Variants in SLC14A2 observed in about 807,000 individuals in gnomAD.
SLC14A2 encodes the protein solute carrier family 14 member 2.
SLC14A2 carries 91 observed loss-of-function variants against 104.6 expected under a neutral mutation model. The ratio of observed to expected loss-of-function variants is 0.87; its 90% CI spans 0.73 to 1.04. The LOEUF is 1.04. Ranked by LOEUF, SLC14A2 falls within the 50% of genes least tolerant of loss-of-function variation. SLC14A2 has a pLI of 0.00. For missense variants in SLC14A2, 1,189 were observed against 1,156.0 expected, an observed-to-expected ratio of 1.03 and a Z score of -0.41; for synonymous variants, 476 against 466.4, an observed-to-expected ratio of 1.02 and a Z score of -0.27.
chr18:45,328,431 T>G (rs990054251), intron 1 of SLC14A2, among the ~76,000 whole-genome samples: 1 of 152,130 alleles, frequency 6.6e-6, no homozygotes, highest in Non-Finnish European at 1.5e-5. Flanking sequence ...TGTCACAGCA[T>G]TTTCAGGGTT....
intron 1 of SLC14A2, among the ~76,000 whole-genome samples, chr18:45,459,610 T>C (rs2087006522): frequency 6.6e-6 from 1 of 152,192 alleles, no homozygotes; most frequent in African/African-American, 2.4e-5. Flanking sequence ...ACCTGCAGCC[T>C]GCTATTCCCG....
intron 1 of SLC14A2, among the ~76,000 whole-genome samples, chr18:45,355,779 CAG>C (rs1337958259): frequency 6.6e-6 from 1 of 152,054 alleles, no homozygotes; most frequent in Non-Finnish European, 1.5e-5. Context: ...CCACTCATCT[CAG>C]AACACTGGGT....
intron 2 of SLC14A2, among the ~76,000 whole-genome samples, chr18:45,552,781 A>G (rs907710569): frequency 1.6e-4 from 25 of 152,308 alleles, no homozygotes; most frequent in African/African-American, 5.5e-4. Flanking sequence ...TGAGATGGGC[A>G]CTTGCCCAGC....
At chr18:45,231,461 C>T (rs1160265295) in intron 1 of SLC14A2, among the ~76,000 whole-genome samples, 1 of 152,172 alleles carries the variant, frequency 6.6e-6, no homozygotes, top group Non-Finnish European at 1.5e-5. Flanking sequence ...CCTTGGCCTC[C>T]CAAATGGGAA....
At chr18:45,663,501 G>A (rs1217044198) in intron 10 of SLC14A2, among the ~76,000 whole-genome samples, 1 of 152,208 alleles carries the variant, frequency 6.6e-6, no homozygotes, top group African/African-American at 2.4e-5. Context: ...AGCTAAATGG[G>A]TCTTAGAGTG....
intron 1 of SLC14A2, among the ~76,000 whole-genome samples, chr18:45,243,167 C>A (rs2084334595): frequency 6.6e-6 from 1 of 152,264 alleles, no homozygotes; most frequent in African/African-American, 2.4e-5. Context: ...CCTGGCCTAG[C>A]ATAAGGCCAG....
chr18:45,210,410 C>T (rs1599575148), upstream of SLC14A2, among the ~76,000 whole-genome samples: 1 of 152,160 alleles, frequency 6.6e-6, no homozygotes, highest in Non-Finnish European at 1.5e-5. Context: ...TGAGACCCTG[C>T]CTCTATGAAT....
chr18:45,336,100 G>C (rs1411987157), intron 1 of SLC14A2, among the ~76,000 whole-genome samples: 1 of 152,128 alleles, frequency 6.6e-6, no homozygotes, highest in Non-Finnish European at 1.5e-5. Context: ...AGACCCTAAA[G>C]GAGCAAGTGC....
At chr18:45,276,693 G>A (rs1964228507) in intron 1 of SLC14A2, among the ~76,000 whole-genome samples, 1 of 152,172 alleles carries the variant, frequency 6.6e-6, no homozygotes, top group South Asian at 2.1e-4. Flanking sequence ...GTATTCCTAA[G>A]CACAGATTGG....
At chr18:45,423,414 G>A (rs1690166857) in intron 1 of SLC14A2, among the ~76,000 whole-genome samples, 4 of 152,216 alleles carry the variant, frequency 2.6e-5, no homozygotes, top group Admixed American at 2.0e-4. Flanking sequence ...CCCCTGTGTG[G>A]AGGAGCTTCT....
intron 19 of SLC14A2, among the ~76,000 whole-genome samples, chr18:45,680,834 T>C (rs370413024): frequency 7.2e-5 from 11 of 152,304 alleles, no homozygotes; most frequent in African/African-American, 1.2e-4. Context: ...TCCTTTCCAA[T>C]GTAGGACTCC....
At chr18:45,352,462 T>C (rs1038038124) in intron 1 of SLC14A2, among the ~76,000 whole-genome samples, 1 of 152,114 alleles carries the variant, frequency 6.6e-6, no homozygotes, top group Admixed American at 6.5e-5. Flanking sequence ...CTTTATTTAT[T>C]TATTTTCTCT....
At chr18:45,502,116 T>C (rs1189965861) in intron 2 of SLC14A2, among the ~76,000 whole-genome samples, 2 of 152,180 alleles carry the variant, frequency 1.3e-5, no homozygotes, top group East Asian at 3.8e-4. Context: ...ATAGTGACTT[T>C]AGTGTGGGGC....
intron 2 of SLC14A2, among the ~76,000 whole-genome samples, chr18:45,582,563 TAATC>T (rs2044508899): frequency 6.6e-6 from 1 of 152,152 alleles, no homozygotes; most frequent in African/African-American, 2.4e-5. Flanking sequence ...GAATGTAAAA[TAATC>T]AATAAATACA....
At chr18:45,398,164 A>G (rs1468124291) in intron 1 of SLC14A2, among the ~76,000 whole-genome samples, 2 of 152,202 alleles carry the variant, frequency 1.3e-5, no homozygotes, top group Non-Finnish European at 2.9e-5. Flanking sequence ...GGCAAGGCCC[A>G]CACAGCTTAA....
intron 2 of SLC14A2, among the ~76,000 whole-genome samples, chr18:45,609,986 G>A (rs1440391095): frequency 6.6e-6 from 1 of 152,178 alleles, no homozygotes; most frequent in Non-Finnish European, 1.5e-5. Flanking sequence ...AGTTGGTTTT[G>A]CTGTTGCTAA....
the SLC14A2 span, among the ~76,000 whole-genome samples, chr18:45,172,685 T>A: frequency 2.0e-5 from 3 of 152,140 alleles, no homozygotes; most frequent in Non-Finnish European, 4.4e-5. Flanking sequence ...CTCAGAGAAG[T>A]GAATTTTCTG....
At chr18:45,170,427 T>C in the SLC14A2 span, among the ~76,000 whole-genome samples, 1 of 152,140 alleles carries the variant, frequency 6.6e-6, no homozygotes, top group Admixed American at 6.6e-5. Flanking sequence ...GTAAAGAACT[T>C]TATTTTGAGG....
At chr18:45,403,543 C>A (rs1483106726) in intron 1 of SLC14A2, among the ~76,000 whole-genome samples, 1 of 152,120 alleles carries the variant, frequency 6.6e-6, no homozygotes, top group Non-Finnish European at 1.5e-5. Flanking sequence ...GCCTGCCTGG[C>A]CACTCCTCCT....
Sources: allele counts gnomAD v4.1 joint callset (sites outside exome capture counted in the v4.1 genomes callset), GRCh38; gene constraint gnomAD v4.1.1; transcripts MANE v1.5; gene names NCBI Gene and HGNC (gene_info 2026-07-23, HGNC 2026-07-21).